CIB2: variants seen among roughly 807,000 people sequenced by gnomAD.
CIB2 encodes the protein calcium and integrin binding family member 2.
A neutral mutation model predicts 23.1 loss-of-function variants in CIB2; 19 were observed. That is an observed-to-expected ratio of 0.82 (90% CI 0.57 to 1.21). The LOEUF is 1.21. Among genes scored for constraint, CIB2 ranks in the 50% most tolerant of loss-of-function variants. The probability of loss-of-function intolerance (pLI) is 0.00; values close to 1 mark genes in which losing one functional copy is unlikely to be tolerated. For synonymous variants in CIB2, 94 were observed against 91.7 expected (o/e 1.03, Z -0.14); for missense variants, 220 against 241.5 (o/e 0.91, Z 0.59).
chr15:78,105,634 C>T (rs769026651), intron 5 of CIB2, 105 bp downstream of exon 5: 1 of 1,586,650 alleles, frequency 6.3e-7, no homozygotes, highest in Non-Finnish European at 8.5e-7. Flanking sequence ...TGCTTCCTGG[C>T]CGCACACCAC....
intron 2 of CIB2, among the ~76,000 whole-genome samples, chr15:78,120,139 T>C (rs921352721): frequency 1.3e-5 from 2 of 152,130 alleles, no homozygotes; most frequent in Non-Finnish European, 2.9e-5. Flanking sequence ...CCTGAGTTCA[T>C]GTAATCCACC....
intron 2 of CIB2, among the ~76,000 whole-genome samples, chr15:78,112,245 A>T (rs2074171624): frequency 6.6e-6 from 1 of 151,776 alleles, no homozygotes; most frequent in Admixed American, 6.6e-5. Context: ...ATAGCCCCCC[A>T]TCCCAAGACA....
chr15:78,122,393 A>C (rs373822282), intron 2 of CIB2, among the ~76,000 whole-genome samples: 3 of 152,164 alleles, frequency 2.0e-5, no homozygotes, highest in South Asian at 2.1e-4. Context: ...TGGCATCTAC[A>C]AAGGTAGGGA....
chr15:78,123,783 C>T, intron 1 of CIB2, 44 bp from the exon 2 acceptor site: 1 of 1,612,744 alleles, frequency 6.2e-7, no homozygotes, highest in Non-Finnish European at 8.5e-7. Context: ...GTGCGGCTCC[C>T]AGACTTTCTT....
chr15:78,120,654 G>A lies in CIB2; in HGVS notation c.86+3051C>T, dbSNP rs1312997522. On this transcript the variant is annotated intron_variant, in intron 2 of 5. Coordinates refer to ENST00000258930, the MANE Select transcript of CIB2 (RefSeq NM_006383.4). The stretch of plus-strand genomic sequence containing the variant: ...AGGAGCTGTGTCCTGGGGAGCAATC[G>A]GATCTACCTGGGTGGGGGCAGGGCA... 5 of 985,358 alleles carry A rather than the reference G, an allele frequency of 5.1e-6. No individual in the cohort carries two copies. The South Asian group carries it at 1.4e-4, about 28-fold the overall frequency. 61.0% of individuals were successfully genotyped at this position (985,358 alleles called of 1,614,324 possible). A position where few individuals can be genotyped will look rare whatever the true frequency, so the allele number is the denominator to read the frequency against.
intron 2 of CIB2, among the ~76,000 whole-genome samples, chr15:78,121,318 G>A (rs1362352576): frequency 6.6e-6 from 1 of 152,196 alleles, no homozygotes; most frequent in Non-Finnish European, 1.5e-5. Context: ...TTGCTCTGGT[G>A]TTGAATTACA....
chr15:78,110,847 G>C, intron 3 of CIB2: 1 of 481,112 alleles, frequency 2.1e-6, no homozygotes, highest in Non-Finnish European at 4.1e-6. Context: ...CGGGGAGACA[G>C]AAAAGTTATC....
At chr15:78,129,521 G>A (rs928940182) in intron 1 of CIB2, among the ~76,000 whole-genome samples, 1 of 152,008 alleles carries the variant, frequency 6.6e-6, no homozygotes, top group Non-Finnish European at 1.5e-5. Flanking sequence ...GGGCCCCACT[G>A]GGCAAAACCC....
rs185046538 is a variant in CIB2, at chr15:78,121,856, C to T, written c.86+1849G>A. Reference sequence around the variant, plus strand: ...GGCCCATCATATTGGATCGGATTCCCGGACTGGCCTTCAAGCTCCTCTCTC... The same window carrying T: ...GGCCCATCATATTGGATCGGATTCCTGGACTGGCCTTCAAGCTCCTCTCTC... On this transcript the variant is annotated intron_variant, in intron 2 of 5. Coordinates refer to ENST00000258930, the MANE Select transcript of CIB2 (RefSeq NM_006383.4). Among the ~76,000 whole-genome samples, 125 of 152,304 alleles carry T rather than the reference C, an allele frequency of 8.2e-4. 1 individual carries two copies. Among genetic ancestry groups the T allele is most frequent in the African/African-American group, 4.6e-4 (19 of 41,548 alleles).
chr15:78,131,081 G>C lies in CIB2; in HGVS notation c.51+84C>G, dbSNP rs1039533092. The C allele has an allele frequency of 5.5e-5, 70 of 1,280,232 alleles. No individual in the cohort carries two copies. Among genetic ancestry groups the C allele is most frequent in the Non-Finnish European group, 7.3e-5 (68 of 931,374 alleles). 79.3% of individuals were successfully genotyped at this position (1,280,232 alleles called of 1,614,324 possible). A position where few individuals can be genotyped will look rare whatever the true frequency, so the allele number is the denominator to read the frequency against. On this transcript the variant is annotated intron_variant, in intron 1 of 5. Coordinates refer to ENST00000258930, the MANE Select transcript of CIB2 (RefSeq NM_006383.4). This position sits in a 1 kb window ranked among gnomAD's most constrained non-coding sequence, Gnocchi z 5.8. ...TTTGAACCTGGGAGAGCTGGCTCTC[G>C]GGAGGCCTCGGCCAGCGACCGAGAA...
intron 2 of CIB2, 94 bp downstream of exon 2, chr15:78,123,611 A>G: frequency 7.8e-7 from 1 of 1,289,228 alleles, no homozygotes; most frequent in Non-Finnish European, 1.1e-6. Flanking sequence ...GCTCTGCCTC[A>G]GCCCCAGGAG....
intron 1 of CIB2, among the ~76,000 whole-genome samples, chr15:78,127,709 C>G (rs2074399522): frequency 6.6e-6 from 1 of 152,200 alleles, no homozygotes; most frequent in African/African-American, 2.4e-5. Context: ...AGCCATGGGC[C>G]CTCCCAGCTC....
chr15:78,114,486 T>TA (rs2074209126), intron 2 of CIB2, among the ~76,000 whole-genome samples: 1 of 152,152 alleles, frequency 6.6e-6, no homozygotes, highest in Admixed American at 6.5e-5. Context: ...AAACCATACT[T>TA]ACGCTACTTG....
intron 4 of CIB2, among the ~76,000 whole-genome samples, chr15:78,106,676 TCTTCTGCCTGGGGTCC>T (rs1332824998): frequency 2.6e-5 from 4 of 152,144 alleles, no homozygotes; most frequent in African/African-American, 9.7e-5. Flanking sequence ...ATGTGCTGTT[TCTTCTGCCTGGGGTCC>T]CTTCCCAGCA....
intron 3 of CIB2, among the ~76,000 whole-genome samples, chr15:78,110,320 A>C (rs891611407): frequency 6.6e-6 from 1 of 152,214 alleles, no homozygotes; most frequent in South Asian, 2.1e-4. Context: ...TGAGTGTCTC[A>C]CCTGCTCCAG....
chr15:78,111,201 C>T lies in CIB2; in HGVS notation c.162G>A (p.Val54=). 1 of 1,614,174 alleles carries T rather than the reference C, an allele frequency of 6.2e-7. No individual in the cohort carries two copies. The highest frequency in any genetic ancestry group is 2.2e-5 in the East Asian group (1 of 44,884). ...MDYRKSPIVH[V]PMSLIIQMPE... ...GCATCTGGATGATGAGGCTCATGGG[C>T]ACGTGGACGATGGGGCTCTTCCTGT... The change falls in exon 3 of 6, where the codon GTG becomes GTA. Residue 54 remains valine (V), a synonymous_variant. Transcript: ENST00000258930.
intron 2 of CIB2, 60 bp downstream of exon 2, chr15:78,123,645 C>T: frequency 1.9e-6 from 3 of 1,583,378 alleles, no homozygotes; most frequent in Middle Eastern, 1.7e-4. Context: ...TGTGGGGTGC[C>T]CCAGCCTCAC....
intron 5 of CIB2, 80 bp downstream of exon 5, chr15:78,105,659 G>C: frequency 6.2e-7 from 1 of 1,605,214 alleles, no homozygotes; most frequent in Non-Finnish European, 8.5e-7. Context: ...CACAAATAGC[G>C]AGTGATAGGG....
rs773655141 is a variant in CIB2 at position 78,109,317 on chromosome 15, G to GA, written c.263dup (p.Asn89GlnfsTer28). The GA allele has an allele frequency of 1.2e-6, 2 of 1,614,030 alleles. No individual in the cohort carries two copies. Among genetic ancestry groups the GA allele is most frequent in the Non-Finnish European group, 1.7e-6 (2 of 1,180,018 alleles). On this transcript the variant is annotated frameshift_variant, in exon 4 of 6. Coordinates refer to ENST00000258930, the MANE Select transcript of CIB2 (RefSeq NM_006383.4). LOFTEE classifies it high-confidence loss of function. ...CGGAAAACATGTCCACAAAGTCGTT[G>GA]AAAGTGAGGTTCCCCTCACCATCCT...
Sources: allele counts gnomAD v4.1 joint callset (sites outside exome capture counted in the v4.1 genomes callset), GRCh38; gene constraint gnomAD v4.1.1; non-coding constraint Gnocchi (gnomAD v3.1); transcripts MANE v1.5; gene names NCBI Gene and HGNC (gene_info 2026-07-23, HGNC 2026-07-21).